Variants in DCT observed in about 807,000 individuals in gnomAD.
DCT encodes dopachrome tautomerase.
DCT carries 47 observed loss-of-function variants against 53.0 expected under a neutral mutation model. That is an observed-to-expected ratio of 0.89 (90% confidence interval 0.70 to 1.13). The LOEUF (loss-of-function observed/expected upper bound fraction) is 1.13, where lower values mean the gene tolerates loss of function less well. Ranked by LOEUF, DCT falls within the 50% of genes most tolerant of loss-of-function variation. The pLI, the probability that DCT is intolerant of heterozygous loss-of-function variation, is 0.00. For synonymous variants in DCT, 244 were observed against 237.0 expected (o/e 1.03, Z -0.27); for missense variants, 669 against 637.4 (o/e 1.05, Z -0.53).
the DCT span, among the ~76,000 whole-genome samples, chr13:94,540,752 A>T: frequency 1.2e-4 from 18 of 152,334 alleles, no homozygotes; most frequent in Non-Finnish European, 1.8e-4. Flanking sequence ...TCCTCAAAAA[A>T]CAAAAAAAAT....
chr13:94,496,848 G>A, the DCT span, among the ~76,000 whole-genome samples: 15 of 152,256 alleles, frequency 9.9e-5, no homozygotes, highest in Admixed American at 5.9e-4. Context: ...GTGTCTAGTG[G>A]GCTGTGAATA....
intron 1 of DCT, among the ~76,000 whole-genome samples, chr13:94,471,336 G>C (rs1262836728): frequency 6.6e-6 from 1 of 151,812 alleles, no homozygotes; most frequent in African/African-American, 2.4e-5. Flanking sequence ...CTTTTACGTA[G>C]CTCAATTATC....
the DCT span, among the ~76,000 whole-genome samples, chr13:94,494,643 T>C: frequency 1.3e-5 from 2 of 152,190 alleles, no homozygotes; most frequent in Non-Finnish European, 2.9e-5. Context: ...AAACTTTCTA[T>C]AATATAATGA....
At position 94,462,151 on chromosome 13, in the gene DCT, C is replaced by T; in HGVS notation, c.902G>A (p.Gly301Glu). Residue 301 changes from glycine to glutamate, a missense_variant, in exon 5 of 8, where the codon GGA becomes GAA. Physicochemically the swap from Gly to Glu is moderately conservative, Grantham distance 98. Transcript: ENST00000377028. ...TCTTCTCAGCAAACCTTCATAGGTT[C>T]CATTGCACAAGGTGACCAGGTGGTT... ...DYNHLVTLCN[G>E]TYEGLLRRNQ... is the part of the protein sequence containing the mutation. 6.2e-7 allele frequency: 1 copy of T among 1,613,240 alleles called. No individual in the cohort carries two copies. The highest frequency in any genetic ancestry group is 1.1e-5 in the South Asian group (1 of 91,018).
intron 7 of DCT, among the ~76,000 whole-genome samples, chr13:94,442,317 G>T (rs1023562402): frequency 1.3e-5 from 2 of 151,892 alleles, no homozygotes; most frequent in African/African-American, 4.8e-5. Flanking sequence ...GTTTTTTTGG[G>T]TTTTTTTGAA....
chr13:94,452,356 A>C (rs1883151086), intron 6 of DCT, among the ~76,000 whole-genome samples: 1 of 152,182 alleles, frequency 6.6e-6, no homozygotes, highest in African/African-American at 2.4e-5. Context: ...TAAGAAGAGA[A>C]ATGCAAATTA....
intron 7 of DCT, among the ~76,000 whole-genome samples, chr13:94,442,643 T>C (rs1305234492): frequency 6.6e-6 from 1 of 152,202 alleles, no homozygotes; most frequent in East Asian, 1.9e-4. Flanking sequence ...GAAAAGTTAA[T>C]AAGAAATCTA....
Position 94,461,622 on chromosome 13 carries a change from A to C in DCT, c.1043+388T>G, listed in dbSNP as rs562654227. ...CTCCTCTGAGATCTCAGACCTCACT[A>C]TTAAGTTCTATGGCTGATAAATTTC... On this transcript the variant is annotated intron_variant, in intron 5 of 7. Coordinates refer to ENST00000377028, the MANE Select transcript of DCT (RefSeq NM_001922.5). Among the ~76,000 whole-genome samples the C allele has an allele frequency of 2.6e-5, 4 of 152,350 alleles. No homozygotes were observed. In the South Asian group the frequency reaches 8.3e-4, roughly 32 times the overall value.
intron 7 of DCT, 141 bp from the exon 8 acceptor site, chr13:94,440,217 TCTC>T: frequency 3.2e-6 from 2 of 627,106 alleles, no homozygotes; most frequent in Non-Finnish European, 5.6e-6. Flanking sequence ...AAATTTATCT[TCTC>T]CTTTCTCACC....
At chr13:94,498,138 T>C in the DCT span, among the ~76,000 whole-genome samples, 1 of 152,036 alleles carries the variant, frequency 6.6e-6, no homozygotes, top group African/African-American at 2.4e-5. Flanking sequence ...ATCCCCAAAG[T>C]TGGTGTGTCA....
At chr13:94,452,330 G>T (rs991052387) in intron 6 of DCT, among the ~76,000 whole-genome samples, 3 of 152,146 alleles carry the variant, frequency 2.0e-5, no homozygotes, top group Non-Finnish European at 4.4e-5. Flanking sequence ...ACTGCATCTG[G>T]CCTAGACTTC....
At chr13:94,482,492 C>T (rs554784717), upstream of DCT, among the ~76,000 whole-genome samples, 68 of 152,294 alleles carry the variant, frequency 4.5e-4, no homozygotes, top group African/African-American at 1.5e-3. Flanking sequence ...TTCTCTCTAC[C>T]ACATTACCTT....
chr13:94,515,088 C>T, the DCT span, among the ~76,000 whole-genome samples: 1,867 of 152,242 alleles, frequency 0.012, 43 homozygotes, highest in African/African-American at 0.042. Context: ...GAGAACACAA[C>T]AAGAAGATGG....
At chr13:94,538,083 G>C in the DCT span, among the ~76,000 whole-genome samples, 3 of 152,026 alleles carry the variant, frequency 2.0e-5, no homozygotes, top group African/African-American at 4.8e-5. Context: ...TGATATCCAG[G>C]TTATTGTGTG....
chr13:94,482,981 A>G (rs548318505), upstream of DCT, among the ~76,000 whole-genome samples: 2 of 152,282 alleles, frequency 1.3e-5, no homozygotes, highest in South Asian at 4.1e-4. Context: ...TTCCTTTTCA[A>G]TAAGTTTTTG....
At chr13:94,469,358 A>T (rs1225294756) in intron 1 of DCT, among the ~76,000 whole-genome samples, 2 of 152,202 alleles carry the variant, frequency 1.3e-5, no homozygotes, top group Non-Finnish European at 2.9e-5. Flanking sequence ...ATTTGGAGAT[A>T]GTGTCTTTAA....
intron 6 of DCT, among the ~76,000 whole-genome samples, chr13:94,444,986 G>A (rs889889934): frequency 6.6e-6 from 1 of 152,222 alleles, no homozygotes; most frequent in Non-Finnish European, 1.5e-5. Context: ...ACAGTGTCAT[G>A]CAGACACTTT....
In DCT at chr13:94,438,642, GGAAATCTCAA is replaced by G. The variant is rs1430449728; in HGVS notation, c.*1246_*1255del. The G allele has an allele frequency of 6.6e-6, 3 of 455,784 alleles. No individual in the cohort carries two copies. The highest frequency in any genetic ancestry group is 1.3e-5 in the Non-Finnish European group (3 of 226,746). 28.2% of individuals were successfully genotyped at this position (455,784 alleles called of 1,614,324 possible). A position where few individuals can be genotyped will look rare whatever the true frequency, so the allele number is the denominator to read the frequency against. On this transcript the variant is annotated 3_prime_UTR_variant, in exon 8 of 8. Transcript: ENST00000377028. ...AGATATGAGCAGATGAAATTTGCCT[GGAAATCTCAA>G]GAGCCATTAACTTCTCTGAAGTGGG... is the stretch of plus-strand genomic sequence containing the variant.
chr13:94,460,016 AC>A, intron 6 of DCT, 74 bp downstream of exon 6: 1 of 1,430,492 alleles, frequency 7.0e-7, no homozygotes, highest in Non-Finnish European at 9.8e-7. Flanking sequence ...ACACCATCAA[AC>A]ATTAATTGTA....
Sources: gnomAD v4.1 joint callset for allele counts (sites outside exome capture counted in the v4.1 genomes callset) on GRCh38, gnomAD v4.1.1 for gene constraint, MANE v1.5 for transcripts, NCBI Gene and HGNC (gene_info 2026-07-23, HGNC 2026-07-21) for gene names.